Variants in TMEM132B observed in about 807,000 individuals in gnomAD.
TMEM132B encodes the protein transmembrane protein 132B.
Under a neutral mutation model 90.8 loss-of-function variants are expected in TMEM132B, and 18 were observed. That is an observed-to-expected ratio of 0.20 (90% CI 0.14 to 0.29). The LOEUF is 0.29. TMEM132B is among the 10% of genes least tolerant of loss of function. The pLI is 1.00. For synonymous variants in TMEM132B, 504 were observed against 523.3 expected (o/e 0.96, Z 0.50); for missense variants, 1,096 against 1,326.8 (o/e 0.83, Z 2.70).
chr12:125,556,641 G>T (rs370176296), intron 4 of TMEM132B, among the ~76,000 whole-genome samples: 2 of 152,232 alleles, frequency 1.3e-5, no homozygotes, highest in Non-Finnish European at 2.9e-5. Context: ...ATATCTGGAG[G>T]TTGTTTCAGC....
In TMEM132B at chr12:125,429,067, A is replaced by G. The variant is rs558947840; in HGVS notation, c.1106+13390A>G. ...CAGGGATTTCTTGTATTAGCTTCCC[A>G]CTCACTCTATACCCAGTTTTCCCTA... On this transcript the variant is annotated intron_variant, in intron 3 of 8. Coordinates refer to ENST00000682704, the MANE Select transcript of TMEM132B (RefSeq NM_001366854.1). Among the ~76,000 whole-genome samples, 3 of 152,166 alleles carry G rather than the reference A, an allele frequency of 2.0e-5. No homozygotes were observed. In the South Asian group the frequency reaches 6.2e-4, roughly 32 times the overall value.
Position 125,536,874 on chromosome 12 carries a change from T to A in TMEM132B, c.1293+17249T>A, listed in dbSNP as rs199501951. On this transcript the variant is annotated intron_variant, in intron 4 of 8. Transcript: ENST00000682704. ...TGGGGAGATTATCCTGAAAAAAAAA[T>A]ACCAGTAAATAAATATGCATGCCAT... 8.5e-4 allele frequency among the ~76,000 whole-genome samples: 124 copies of A among 145,236 alleles called. No individual in the cohort carries two copies. In the East Asian group the frequency reaches 0.022, roughly 26 times the overall value.
At chr12:125,224,197 C>T (rs1258271190) in intron 1 of TMEM132B, among the ~76,000 whole-genome samples, 1 of 152,144 alleles carries the variant, frequency 6.6e-6, no homozygotes, top group Non-Finnish European at 1.5e-5. Flanking sequence ...TGTTGATAGA[C>T]ATTTGGGTTC....
At chr12:125,245,098 C>T (rs1295523126) in intron 1 of TMEM132B, among the ~76,000 whole-genome samples, 1 of 152,154 alleles carries the variant, frequency 6.6e-6, no homozygotes, top group Non-Finnish European at 1.5e-5. Context: ...AGTGGAAAGC[C>T]CGTATCCCTT....
intron 5 of TMEM132B, among the ~76,000 whole-genome samples, chr12:125,606,970 G>A (rs1593018816): frequency 6.6e-6 from 1 of 152,242 alleles, no homozygotes; most frequent in South Asian, 2.1e-4. Context: ...GGCTTGTAAA[G>A]GCCCACCCAG....
chr12:125,646,243 C>G (rs1281392182), intron 6 of TMEM132B, among the ~76,000 whole-genome samples: 1 of 152,120 alleles, frequency 6.6e-6, no homozygotes, highest in Admixed American at 6.5e-5. Flanking sequence ...TCCAGGCAAA[C>G]TACTGAATGT....
chr12:125,289,673 T>C (rs1875478063), intron 1 of TMEM132B, among the ~76,000 whole-genome samples: 1 of 152,224 alleles, frequency 6.6e-6, no homozygotes, highest in South Asian at 2.1e-4. Context: ...TCAGAGCAGA[T>C]GCATAAGTAG....
rs1280928864 is a variant in TMEM132B, at chr12:125,613,187, C to G, written c.1437+29193C>G. Among the ~76,000 whole-genome samples, 24 of 97,700 alleles carry G rather than the reference C, an allele frequency of 2.5e-4. 1 individual carries two copies. Among genetic ancestry groups the G allele is most frequent in the Non-Finnish European group, 3.8e-4 (19 of 49,872 alleles). 64.1% of individuals were successfully genotyped at this position (97,700 alleles called of 152,430 possible). A position where few individuals can be genotyped will look rare whatever the true frequency, so the allele number is the denominator to read the frequency against. Reference sequence around the variant, plus strand: ...TTATATATTATATATAAATATATATCATATATATTTATATATATATTATAC... The same window carrying G: ...TTATATATTATATATAAATATATATGATATATATTTATATATATATTATAC... On this transcript the variant is annotated intron_variant, in intron 5 of 8. Transcript: ENST00000682704.
rs1036724944 is a variant in TMEM132B at position 125,490,367 on chromosome 12, G to T, written c.1107-29072G>T. On this transcript the variant is annotated intron_variant, in intron 3 of 8. Coordinates refer to ENST00000682704, the MANE Select transcript of TMEM132B (RefSeq NM_001366854.1). This position sits in a 1 kb window ranked among gnomAD's most constrained non-coding sequence, Gnocchi z 4.2. ...CCAGCCTCAAAGTTCAACTCTTGTTGATGTTTTTTCAGTAGGCCTGTGGTA... is the reference window on the plus strand; with the variant it reads ...CCAGCCTCAAAGTTCAACTCTTGTTTATGTTTTTTCAGTAGGCCTGTGGTA... Among the ~76,000 whole-genome samples the T allele has an allele frequency of 6.6e-6, 1 of 151,702 alleles. No individual in the cohort carries two copies. Among genetic ancestry groups the T allele is most frequent in the African/African-American group, 2.4e-5 (1 of 41,006 alleles).
rs547986627 is a variant in TMEM132B, at chr12:125,320,843, A to G, written c.68-28609A>G. Among the ~76,000 whole-genome samples, 52 of 152,308 alleles carry G rather than the reference A, an allele frequency of 3.4e-4. 1 individual carries two copies. The highest frequency in any genetic ancestry group is 1.2e-3 in the African/African-American group (51 of 41,568). On this transcript the variant is annotated intron_variant, in intron 1 of 8. Coordinates refer to ENST00000682704, the MANE Select transcript of TMEM132B (RefSeq NM_001366854.1). Reference sequence around the variant, plus strand: ...CAGAAGGAGCAGATGTTATGCACCCATTATCTCTCTATTTGCAATTCCAGA... The same window carrying G: ...CAGAAGGAGCAGATGTTATGCACCCGTTATCTCTCTATTTGCAATTCCAGA...
chr12:125,532,165 C>T (rs1883663251), intron 4 of TMEM132B, among the ~76,000 whole-genome samples: 2 of 152,152 alleles, frequency 1.3e-5, no homozygotes, highest in Admixed American at 1.3e-4. Context: ...TTTGGGAAAA[C>T]CTTTGCTGAT....
At chr12:125,312,560 C>T (rs1235629152) in intron 1 of TMEM132B, among the ~76,000 whole-genome samples, 1 of 152,226 alleles carries the variant, frequency 6.6e-6, no homozygotes. Flanking sequence ...TGGAGAGACC[C>T]AGGCTGAGCG....
At chr12:125,381,700 G>A (rs1878688857) in intron 2 of TMEM132B, among the ~76,000 whole-genome samples, 1 of 152,168 alleles carries the variant, frequency 6.6e-6, no homozygotes, top group Non-Finnish European at 1.5e-5. Flanking sequence ...ATGTATGTAT[G>A]TGTGTGAATG....
intron 3 of TMEM132B, among the ~76,000 whole-genome samples, chr12:125,429,460 C>A (rs1331061854): frequency 1.3e-5 from 2 of 152,106 alleles, no homozygotes; most frequent in African/African-American, 4.8e-5. Flanking sequence ...CCTGCCTTGG[C>A]CTCCCAAAGT....
At position 125,344,080 on chromosome 12, in the gene TMEM132B, C is replaced by G. The variant is rs535452697; in HGVS notation, c.68-5372C>G. On this transcript the variant is annotated intron_variant, in intron 1 of 8. Transcript: ENST00000682704. ...GTGCCGTAAACTGGACATCAAAGCCCCTTCTCTCATGGTATCTGAATTTTA... is the reference window on the plus strand; with the variant it reads ...GTGCCGTAAACTGGACATCAAAGCCGCTTCTCTCATGGTATCTGAATTTTA... 3.9e-5 allele frequency among the ~76,000 whole-genome samples: 6 copies of G among 152,202 alleles called. No homozygotes were observed. In the South Asian group the frequency reaches 1.2e-3, roughly 32 times the overall value.
chr12:125,414,520 C>A (rs1159206445), intron 2 of TMEM132B, among the ~76,000 whole-genome samples: 1 of 152,120 alleles, frequency 6.6e-6, no homozygotes, highest in African/African-American at 2.4e-5. Context: ...GTGCCCAGGG[C>A]CTCACTGGGC....
In TMEM132B at chr12:125,388,431, A is replaced by T. The variant is rs534265473; in HGVS notation, c.960-27100A>T. ...GCAACAAGAGTGAAACTCCATCTTA[A>T]AAGAAAAAGAAAAACAAAACAAAAC... On this transcript the variant is annotated intron_variant, in intron 2 of 8. Transcript: ENST00000682704. Among the ~76,000 whole-genome samples the T allele has an allele frequency of 2.6e-5, 4 of 152,280 alleles. No individual in the cohort carries two copies. The South Asian group carries it at 8.3e-4, about 32-fold the overall frequency.
At chr12:125,652,098 A>G (rs947425394) in intron 7 of TMEM132B, among the ~76,000 whole-genome samples, 8 of 152,222 alleles carry the variant, frequency 5.3e-5, no homozygotes, top group Middle Eastern at 3.2e-3. Flanking sequence ...CAGCTGTGCC[A>G]TTCTAAATAT....
intron 1 of TMEM132B, among the ~76,000 whole-genome samples, chr12:125,216,554 A>C (rs1873442877): frequency 6.6e-6 from 1 of 152,190 alleles, no homozygotes; most frequent in African/African-American, 2.4e-5. Context: ...TTTGTTGAGA[A>C]AATCAGTGCT....
Sources: gnomAD v4.1 joint callset for allele counts (sites outside exome capture counted in the v4.1 genomes callset) on GRCh38, gnomAD v4.1.1 for gene constraint, Gnocchi (gnomAD v3.1) non-coding constraint, MANE v1.5 for transcripts, NCBI Gene and HGNC (gene_info 2026-07-23, HGNC 2026-07-21) for gene names.